The following ZNF536 variants were observed in gnomAD, a reference collection of about 807,000 sequenced individuals.
ZNF536 encodes the protein zinc finger protein 536.
In ZNF536, 13 loss-of-function variants were observed where a neutral mutation model predicts 84.5. That is an observed-to-expected ratio of 0.15 (90% CI 0.10 to 0.24). The LOEUF is 0.24. Among genes scored for constraint, ZNF536 ranks in the 10% least tolerant of loss-of-function variants. The pLI is 1.00. For synonymous variants in ZNF536, 811 were observed against 742.5 expected (o/e 1.09, Z -1.50); for missense variants, 1,536 against 1,747.5 (o/e 0.88, Z 2.16).
At chr19:30,244,163 T>C (rs566293609) in intron 1 of ZNF536, among the ~76,000 whole-genome samples, 22 of 152,352 alleles carry the variant, frequency 1.4e-4, no homozygotes, top group Admixed American at 1.3e-3. Flanking sequence ...CAGGCTCTTA[T>C]TGACTGGGGC....
downstream of ZNF536, among the ~76,000 whole-genome samples, chr19:30,560,861 A>C (rs2085758836): frequency 6.6e-6 from 1 of 152,280 alleles, no homozygotes; most frequent in South Asian, 2.1e-4. Flanking sequence ...AATCGGCAGC[A>C]GTGCATTGGC....
chr19:30,357,017 A>G (rs192972254), intron 3 of ZNF536, among the ~76,000 whole-genome samples: 1 of 152,370 alleles, frequency 6.6e-6, no homozygotes, highest in African/African-American at 2.4e-5. Context: ...AATGTTGGAC[A>G]AGACAGACAA....
intron 1 of ZNF536, among the ~76,000 whole-genome samples, chr19:30,257,755 C>T (rs2024986626): frequency 6.6e-6 from 1 of 152,204 alleles, no homozygotes; most frequent in South Asian, 2.1e-4. Flanking sequence ...CACTGTAAGG[C>T]CAGCGTACCT....
intron 1 of ZNF536, among the ~76,000 whole-genome samples, chr19:30,442,058 C>T (rs149465875): frequency 2.0e-5 from 3 of 152,376 alleles, no homozygotes; most frequent in African/African-American, 7.2e-5. Flanking sequence ...AGCTCCTGGA[C>T]CACCTGGCTG....
intron 2 of ZNF536, among the ~76,000 whole-genome samples, chr19:30,505,096 T>C (rs1164062062): frequency 1.3e-5 from 2 of 151,992 alleles, no homozygotes; most frequent in Non-Finnish European, 2.9e-5. Flanking sequence ...AGTAGCTGTT[T>C]ATATTTATAC....
chr19:30,567,812 G>A (rs2046407079), intron 1 of ZNF536, among the ~76,000 whole-genome samples: 1 of 152,186 alleles, frequency 6.6e-6, no homozygotes, highest in South Asian at 2.1e-4. Flanking sequence ...CGCTTCACAT[G>A]TGCCCAATTA....
At chr19:30,392,771 A>G (rs1268218123) in intron 1 of ZNF536, among the ~76,000 whole-genome samples, 3 of 152,228 alleles carry the variant, frequency 2.0e-5, no homozygotes, top group Non-Finnish European at 4.4e-5. Flanking sequence ...AGAAGGAAGG[A>G]GAGGACTGTG....
At chr19:30,621,704 G>A (rs1397817125) in intron 1 of ZNF536, among the ~76,000 whole-genome samples, 1 of 152,198 alleles carries the variant, frequency 6.6e-6, no homozygotes, top group Non-Finnish European at 1.5e-5. Flanking sequence ...CAGCCGGGTG[G>A]GAGCCGGTGT....
At chr19:30,351,882 G>A (rs764684834) in intron 2 of ZNF536, among the ~76,000 whole-genome samples, 16 of 152,228 alleles carry the variant, frequency 1.1e-4, no homozygotes, top group Non-Finnish European at 1.8e-4. Flanking sequence ...TCTTCTTGCT[G>A]GGTCTGGATT....
At chr19:30,702,588 C>T (rs754581251) in intron 1 of ZNF536, among the ~76,000 whole-genome samples, 1 of 152,064 alleles carries the variant, frequency 6.6e-6, no homozygotes, top group Non-Finnish European at 1.5e-5. Context: ...TTCTCTTCTC[C>T]CACGGAACGA....
intron 2 of ZNF536, among the ~76,000 whole-genome samples, chr19:30,324,504 T>G (rs138835497): frequency 2.6e-5 from 4 of 152,352 alleles, no homozygotes; most frequent in African/African-American, 7.2e-5. Context: ...CACTTCAGCT[T>G]CCCCAGTAGC....
At chr19:30,685,608 AT>A (rs1464616614) in intron 1 of ZNF536, among the ~76,000 whole-genome samples, 1 of 152,224 alleles carries the variant, frequency 6.6e-6, no homozygotes, top group East Asian at 1.9e-4. Context: ...TTTTAAAAAA[AT>A]AAATGCCATA....
chr19:30,446,273 A>AT (rs1239781695), intron 2 of ZNF536, among the ~76,000 whole-genome samples: 11 of 137,976 alleles, frequency 8.0e-5, no homozygotes, highest in Non-Finnish European at 1.6e-4. Context: ...AAAAAAAAAA[A>AT]AGAAAGAAAG....
chr19:30,700,751 G>T (rs1205815205), intron 1 of ZNF536, among the ~76,000 whole-genome samples: 2 of 152,188 alleles, frequency 1.3e-5, no homozygotes, highest in Non-Finnish European at 2.9e-5. Context: ...ATGGTCAAAT[G>T]TATCCAATTG....
chr19:30,524,882 CTTAAT>C lies in ZNF536; in HGVS notation c.2171-9960_2171-9956del, dbSNP rs150624020. ...CATTTTTTGTTTAAAGAAAGGAGTA[CTTAAT>C]TTAAATTATGAAGAAGCAAAGGCAT... On this transcript the variant is annotated intron_variant, in intron 2 of 4. Coordinates refer to ENST00000355537, the MANE Select transcript of ZNF536 (RefSeq NM_014717.3). Among the ~76,000 whole-genome samples, 903 of 152,122 alleles carry C rather than the reference CTTAAT, an allele frequency of 5.9e-3. 4 individuals are homozygous for C. The highest frequency in any genetic ancestry group is 0.015 in the Admixed American group (234 of 15,286).
intron 2 of ZNF536, among the ~76,000 whole-genome samples, chr19:30,347,682 A>G (rs1224692347): frequency 6.6e-6 from 1 of 152,162 alleles, no homozygotes; most frequent in Non-Finnish European, 1.5e-5. Context: ...GTAGGATTGC[A>G]CTGAGGTATA....
intron 1 of ZNF536, among the ~76,000 whole-genome samples, chr19:30,591,817 C>G (rs941275703): frequency 1.3e-5 from 2 of 152,122 alleles, no homozygotes; most frequent in Admixed American, 1.3e-4. Context: ...GGGGCACCAC[C>G]CTTCAGAATT....
chr19:30,542,846 C>G (rs1481840198), intron 3 of ZNF536, among the ~76,000 whole-genome samples: 2 of 152,188 alleles, frequency 1.3e-5, no homozygotes, highest in African/African-American at 4.8e-5. Context: ...GGGTCTCACT[C>G]TATCCCCCAG....
intron 1 of ZNF536, among the ~76,000 whole-genome samples, chr19:30,625,889 A>G (rs1393198954): frequency 1.3e-5 from 2 of 152,214 alleles, no homozygotes; most frequent in African/African-American, 4.8e-5. Context: ...CCCATGTCTC[A>G]GGACATCCTT....
Sources: allele counts gnomAD v4.1 joint callset (sites outside exome capture counted in the v4.1 genomes callset), GRCh38; gene constraint gnomAD v4.1.1; transcripts MANE v1.5; gene names NCBI Gene and HGNC (gene_info 2026-07-23, HGNC 2026-07-21).